HDAC9: variants seen among roughly 807,000 people sequenced by gnomAD.
HDAC9 encodes the protein histone deacetylase 9.
HDAC9 carries 41 observed loss-of-function variants against 139.4 expected under a neutral mutation model. The ratio of observed to expected loss-of-function variants is 0.29; its 90% CI spans 0.23 to 0.38. HDAC9 has a LOEUF of 0.38. Among genes scored for constraint, HDAC9 ranks in the 10% least tolerant of loss-of-function variants. The pLI is 1.00. For synonymous variants in HDAC9, 517 were observed against 476.2 expected, an observed-to-expected ratio of 1.09 and a Z score of -1.12; for missense variants, 1,147 against 1,297.0, an observed-to-expected ratio of 0.88 and a Z score of 1.78.
At chr7:18,136,345 T>G (rs1785417003) in intron 1 of HDAC9, among the ~76,000 whole-genome samples, 1 of 152,196 alleles carries the variant, frequency 6.6e-6, no homozygotes, top group Non-Finnish European at 1.5e-5. Context: ...TTGTTGCCAT[T>G]GCTTTTGGTG....
intron 24 of HDAC9, among the ~76,000 whole-genome samples, chr7:18,973,567 T>G (rs551323585): frequency 6.6e-6 from 1 of 152,248 alleles, no homozygotes; most frequent in South Asian, 2.1e-4. Flanking sequence ...CCTCCCCTAA[T>G]GTGACATCTG....
chr7:18,497,168 C>G (rs1454686624), intron 2 of HDAC9, among the ~76,000 whole-genome samples: 2 of 152,158 alleles, frequency 1.3e-5, no homozygotes, highest in Non-Finnish European at 1.5e-5. Context: ...TTTCCTATGG[C>G]TATTTCCTAA....
At chr7:18,265,684 A>G (rs921303547) in intron 2 of HDAC9, among the ~76,000 whole-genome samples, 1 of 152,180 alleles carries the variant, frequency 6.6e-6, no homozygotes, top group Non-Finnish European at 1.5e-5. Flanking sequence ...TTAATGAAAG[A>G]TAAACATATT....
At chr7:18,594,177 C>T in intron 6 of HDAC9, 148 bp downstream of exon 6, 1 of 637,920 alleles carries the variant, frequency 1.6e-6, no homozygotes, top group Non-Finnish European at 2.7e-6. Context: ...AAACAATGCA[C>T]ACACATACCC....
intron 17 of HDAC9, among the ~76,000 whole-genome samples, chr7:18,806,312 A>G (rs1793705526): frequency 6.6e-6 from 1 of 152,214 alleles, no homozygotes; most frequent in Non-Finnish European, 1.5e-5. Flanking sequence ...ACAGGACTCA[A>G]TGGGCCAAAT....
At chr7:18,557,029 C>G (rs967684394) in intron 2 of HDAC9, among the ~76,000 whole-genome samples, 2 of 151,814 alleles carry the variant, frequency 1.3e-5, no homozygotes, top group African/African-American at 4.8e-5. Flanking sequence ...GAGAAAAATA[C>G]CTGGTGACAG....
intron 1 of HDAC9, among the ~76,000 whole-genome samples, chr7:18,445,203 C>G (rs570051058): frequency 6.6e-6 from 1 of 152,276 alleles, no homozygotes; most frequent in African/African-American, 2.4e-5. Flanking sequence ...ACTTAATCAA[C>G]TGTAATCAAC....
At chr7:18,176,379 A>T (rs1788903164) in intron 2 of HDAC9, among the ~76,000 whole-genome samples, 1 of 152,150 alleles carries the variant, frequency 6.6e-6, no homozygotes, top group Non-Finnish European at 1.5e-5. Flanking sequence ...AAAATATTGC[A>T]AGTCATTGTA....
At chr7:18,183,356 T>C (rs1249751394) in intron 2 of HDAC9, among the ~76,000 whole-genome samples, 1 of 152,170 alleles carries the variant, frequency 6.6e-6, no homozygotes, top group Admixed American at 6.5e-5. Flanking sequence ...AGTAAGCAAA[T>C]GAACCAATCC....
chr7:18,810,727 A>G (rs1263057595), intron 17 of HDAC9, among the ~76,000 whole-genome samples: 1 of 151,876 alleles, frequency 6.6e-6, no homozygotes, highest in Non-Finnish European at 1.5e-5. Context: ...ATCATAATCT[A>G]TTTGTTCCTA....
chr7:18,832,302 C>T (rs987814888), intron 19 of HDAC9, among the ~76,000 whole-genome samples: 2 of 152,122 alleles, frequency 1.3e-5, no homozygotes, highest in African/African-American at 2.4e-5. Context: ...TGGGAAATTG[C>T]GTTGTTGATC....
intron 1 of HDAC9, among the ~76,000 whole-genome samples, chr7:18,359,075 G>T (rs977627975): frequency 2.0e-5 from 3 of 152,238 alleles, no homozygotes; most frequent in African/African-American, 4.8e-5. Context: ...GGGCAGTGAG[G>T]CCGGGCACAG....
intron 2 of HDAC9, among the ~76,000 whole-genome samples, chr7:18,503,866 G>A (rs1421024629): frequency 1.3e-5 from 2 of 152,086 alleles, no homozygotes; most frequent in Non-Finnish European, 2.9e-5. Context: ...GGTACATTTT[G>A]GTGAATGTCT....
chr7:18,275,296 A>G (rs1471436517), intron 2 of HDAC9, among the ~76,000 whole-genome samples: 1 of 152,154 alleles, frequency 6.6e-6, no homozygotes, highest in Admixed American at 6.5e-5. Flanking sequence ...AGCTACCCTC[A>G]CAGATCTATA....
At chr7:18,430,212 C>T (rs566304404) in intron 1 of HDAC9, among the ~76,000 whole-genome samples, 1 of 152,076 alleles carries the variant, frequency 6.6e-6, no homozygotes, top group Non-Finnish European at 1.5e-5. Context: ...CTGTGGACCA[C>T]AACCTACAGT....
rs1795212460 is a variant in HDAC9 at position 18,667,713 on chromosome 7, G to A, written c.1731+1237G>A. 5.1e-6 allele frequency: 5 copies of A among 984,930 alleles called. No individual in the cohort carries two copies. The South Asian group carries it at 2.3e-4, about 46-fold the overall frequency. 61.0% of individuals were successfully genotyped at this position (984,930 alleles called of 1,614,324 possible). A position where few individuals can be genotyped will look rare whatever the true frequency, so the allele number is the denominator to read the frequency against. ...GAGGAATGTAGGAAAAAAAATCTGA[G>A]GATAGTGCTTTACTCTTTCTGTTTT... On this transcript the variant is annotated intron_variant, in intron 12 of 25. Transcript: ENST00000686413.
rs556607051 is a variant in HDAC9, at chr7:18,537,103, C to T, written c.22+40779C>T. ...CAAAAATTTAACTAACAGGAATAAT[C>T]GTAAAGCAAACATTTTAAGTGTATC... On this transcript the variant is annotated intron_variant, in intron 2 of 25. Coordinates refer to ENST00000686413, the MANE Select transcript of HDAC9 (RefSeq NM_178425.4). Among the ~76,000 whole-genome samples, 34 of 152,250 alleles carry T rather than the reference C, an allele frequency of 2.2e-4. 1 individual carries two copies. The highest frequency in any genetic ancestry group is 7.9e-4 in the African/African-American group (33 of 41,550).
At chr7:18,620,759 C>T (rs181748044) in intron 6 of HDAC9, among the ~76,000 whole-genome samples, 9 of 152,092 alleles carry the variant, frequency 5.9e-5, no homozygotes, top group Non-Finnish European at 1.3e-4. Flanking sequence ...CTGTTACTTA[C>T]GGCCCCGATA....
At chr7:18,835,349 A>G (rs1459244434) in intron 19 of HDAC9, 118 bp from the exon 20 acceptor site, 2 of 1,115,672 alleles carry the variant, frequency 1.8e-6, no homozygotes, top group Non-Finnish European at 2.5e-6. Context: ...GAACGTAGTG[A>G]GAAGACAGAA....
Sources: allele counts gnomAD v4.1 joint callset (sites outside exome capture counted in the v4.1 genomes callset), GRCh38; gene constraint gnomAD v4.1.1; transcripts MANE v1.5; gene names NCBI Gene and HGNC (gene_info 2026-07-23, HGNC 2026-07-21).